The following NUS1 variants were observed in gnomAD, a reference collection of about 807,000 sequenced individuals.
The protein encoded by NUS1 is NUS1 dehydrodolichyl diphosphate synthase subunit.
For missense variants in NUS1, 292 were observed against 382.9 expected, an observed-to-expected ratio of 0.76 and a Z score of 1.98; for synonymous variants, 135 against 155.2, an observed-to-expected ratio of 0.87 and a Z score of 0.97.
chr6:117,693,252 A>C (rs1773268590), intron 2 of NUS1, 85 bp downstream of exon 2: 1 of 1,338,866 alleles, frequency 7.5e-7, no homozygotes, highest in African/African-American at 1.5e-5. Context: ...TCTGTCATTT[A>C]TTCATTCACG....
At chr6:117,696,982 A>G (rs938872775) in intron 3 of NUS1, among the ~76,000 whole-genome samples, 2 of 152,132 alleles carry the variant, frequency 1.3e-5, no homozygotes, top group Non-Finnish European at 2.9e-5. Context: ...AATAAGATAC[A>G]AATAAAAACA....
chr6:117,710,495 AAAG>A lies in NUS1; in HGVS notation c.*3485_*3487del, dbSNP rs1773560088. On this transcript the variant is annotated 3_prime_UTR_variant, in exon 5 of 5. Transcript: ENST00000368494. Reference sequence around the variant, plus strand: ...AAAAATACACTTTTCATTATAGGAAAAAGAAGATTCAGAGAAACAAAGGAATGT... The same window carrying A: ...AAAAATACACTTTTCATTATAGGAAAAAGATTCAGAGAAACAAAGGAATGT... The A allele has an allele frequency of 6.6e-6, 1 of 152,148 alleles. No homozygotes were observed. 9.4% of individuals were successfully genotyped at this position (152,148 alleles called of 1,614,324 possible). A position where few individuals can be genotyped will look rare whatever the true frequency, so the allele number is the denominator to read the frequency against.
At chr6:117,683,694 A>T (rs1562175853) in intron 1 of NUS1, among the ~76,000 whole-genome samples, 1 of 152,174 alleles carries the variant, frequency 6.6e-6, no homozygotes, top group Non-Finnish European at 1.5e-5. Flanking sequence ...TTTCTTAAAA[A>T]GTCTGTTTCT....
intron 1 of NUS1, among the ~76,000 whole-genome samples, chr6:117,691,560 T>TATATATATAG (rs1554201821): frequency 4.9e-4 from 3 of 6,168 alleles, no homozygotes; most frequent in African/African-American, 8.5e-4. Context: ...TAGATATAGA[T>TATATATATAG]ATATATATAT....
rs1354911539 is a variant in NUS1, at chr6:117,708,541, C to T, written c.*1526C>T. The T allele has an allele frequency of 6.6e-6, 1 of 151,924 alleles. No homozygotes were observed. Among genetic ancestry groups the T allele is most frequent in the Non-Finnish European group, 1.5e-5 (1 of 67,822 alleles). The allele number at this position is 151,924 out of a possible 1,614,324, so 9.4% of individuals were successfully genotyped here. Reference sequence around the variant, plus strand: ...GTTTCAACTTTGGATTATGAAACCCCATTTATGATTTTTTAAATACACTTG... The same window carrying T: ...GTTTCAACTTTGGATTATGAAACCCTATTTATGATTTTTTAAATACACTTG... On this transcript the variant is annotated 3_prime_UTR_variant, in exon 5 of 5. Coordinates refer to ENST00000368494, the MANE Select transcript of NUS1 (RefSeq NM_138459.5).
intron 3 of NUS1, among the ~76,000 whole-genome samples, chr6:117,699,343 T>C (rs1773365941): frequency 6.6e-6 from 1 of 152,112 alleles, no homozygotes; most frequent in African/African-American, 2.4e-5. Context: ...TTTCTATATG[T>C]CAATAGTGAA....
intron 4 of NUS1, among the ~76,000 whole-genome samples, chr6:117,704,704 C>G (rs1239600566): frequency 1.3e-5 from 2 of 152,138 alleles, no homozygotes; most frequent in Non-Finnish European, 2.9e-5. Flanking sequence ...TGTATAATTG[C>G]AGGCATAGCA....
rs1773530606 is a variant in NUS1, at chr6:117,708,422, G to C, written c.*1407G>C. On this transcript the variant is annotated 3_prime_UTR_variant, in exon 5 of 5. Coordinates refer to ENST00000368494, the MANE Select transcript of NUS1 (RefSeq NM_138459.5). Reference sequence around the variant, plus strand: ...TTTAGAATGGAGCAGTTTAATACTAGATCTCAGAAGTTTTGAAAAATAGCA... The same window carrying C: ...TTTAGAATGGAGCAGTTTAATACTACATCTCAGAAGTTTTGAAAAATAGCA... 1 of 152,150 alleles carries C rather than the reference G, an allele frequency of 6.6e-6. No individual in the cohort carries two copies. Among genetic ancestry groups the C allele is most frequent in the African/African-American group, 2.4e-5 (1 of 41,322 alleles). 9.4% of individuals were successfully genotyped at this position (152,150 alleles called of 1,614,324 possible). A position where few individuals can be genotyped will look rare whatever the true frequency, so the allele number is the denominator to read the frequency against.
chr6:117,678,828 C>T (rs1168026920), intron 1 of NUS1, among the ~76,000 whole-genome samples: 4 of 151,824 alleles, frequency 2.6e-5, no homozygotes, highest in Non-Finnish European at 5.9e-5. Flanking sequence ...ACAGGTGATG[C>T]GCGCCACCCC....
chr6:117,701,274 T>G lies in NUS1; in HGVS notation c.692-2331T>G, dbSNP rs572706037. On this transcript the variant is annotated intron_variant, in intron 3 of 4. Transcript: ENST00000368494. ...TTTTTTTTTTTTTTGAGATGGAGTCTCGCTCTGTCGCCCAGGCTGGAGTGC... is the reference window on the plus strand; with the variant it reads ...TTTTTTTTTTTTTTGAGATGGAGTCGCGCTCTGTCGCCCAGGCTGGAGTGC... Among the ~76,000 whole-genome samples, 13 of 148,264 alleles carry G rather than the reference T, an allele frequency of 8.8e-5. No homozygotes were observed. In the East Asian group the frequency reaches 2.6e-3, roughly 30 times the overall value.
At chr6:117,684,764 C>A (rs934349388) in intron 1 of NUS1, among the ~76,000 whole-genome samples, 21 of 152,082 alleles carry the variant, frequency 1.4e-4, no homozygotes, top group African/African-American at 5.1e-4. Flanking sequence ...CCTATAATAG[C>A]AATCACCTGG....
At chr6:117,704,119 G>C (rs1773467841) in intron 4 of NUS1, among the ~76,000 whole-genome samples, 1 of 152,152 alleles carries the variant, frequency 6.6e-6, no homozygotes, top group Non-Finnish European at 1.5e-5. Flanking sequence ...AAATCAAATA[G>C]TTCAGAGGTG....
intron 3 of NUS1, among the ~76,000 whole-genome samples, chr6:117,701,458 A>G (rs1773409356): frequency 6.6e-6 from 1 of 151,936 alleles, no homozygotes; most frequent in African/African-American, 2.4e-5. Context: ...GTTAGCCAGG[A>G]TGGTCCCGAT....
At chr6:117,684,557 A>G (rs1308073526) in intron 1 of NUS1, among the ~76,000 whole-genome samples, 2 of 152,016 alleles carry the variant, frequency 1.3e-5, no homozygotes, top group Non-Finnish European at 2.9e-5. Context: ...TCTTTTTTTG[A>G]TGGCATCATT....
rs1773535858 is a variant in NUS1, at chr6:117,708,791, C to A, written c.*1776C>A. On this transcript the variant is annotated 3_prime_UTR_variant, in exon 5 of 5. Transcript: ENST00000368494. ...AGACTGAATTTATGCCTTTTGTAAACATGATAGGTATAAATGTCTTATAAA... is the reference window on the plus strand; with the variant it reads ...AGACTGAATTTATGCCTTTTGTAAAAATGATAGGTATAAATGTCTTATAAA... The A allele has an allele frequency of 6.6e-6, 1 of 152,140 alleles. No homozygotes were observed. Among genetic ancestry groups the A allele is most frequent in the Non-Finnish European group, 1.5e-5 (1 of 67,936 alleles). 9.4% of individuals were successfully genotyped at this position (152,140 alleles called of 1,614,324 possible). A position where few individuals can be genotyped will look rare whatever the true frequency, so the allele number is the denominator to read the frequency against.
chr6:117,701,480 G>A (rs4605920), intron 3 of NUS1, among the ~76,000 whole-genome samples: 3,957 of 152,062 alleles, frequency 0.026, 56 homozygotes, highest in East Asian at 0.064. Context: ...TCCTGACCTC[G>A]TGATCCACCT....
At chr6:117,680,898 G>C (rs1773052388) in intron 1 of NUS1, among the ~76,000 whole-genome samples, 1 of 152,112 alleles carries the variant, frequency 6.6e-6, no homozygotes. Flanking sequence ...ATCGAAGCTA[G>C]GTTGCTTTTG....
At chr6:117,695,218 A>G (rs868732258) in intron 3 of NUS1, among the ~76,000 whole-genome samples, 11 of 150,322 alleles carry the variant, frequency 7.3e-5, no homozygotes, top group African/African-American at 1.7e-4. Flanking sequence ...AAAAAAAAAA[A>G]AAAGAAAAAG....
At chr6:117,703,956 G>A (rs970428901) in intron 4 of NUS1, among the ~76,000 whole-genome samples, 2 of 152,170 alleles carry the variant, frequency 1.3e-5, no homozygotes, top group Non-Finnish European at 2.9e-5. Flanking sequence ...TAACTGTAAA[G>A]GGTGTGGCTT....
Sources: gnomAD v4.1 joint callset for allele counts (sites outside exome capture counted in the v4.1 genomes callset) on GRCh38, gnomAD v4.1.1 for gene constraint, MANE v1.5 for transcripts, NCBI Gene and HGNC (gene_info 2026-07-23, HGNC 2026-07-21) for gene names.